ARRB1: variants seen among roughly 807,000 people sequenced by gnomAD.
ARRB1 encodes arrestin beta 1.
A neutral mutation model predicts 56.8 loss-of-function variants in ARRB1; 21 were observed. The observed-to-expected ratio is 0.37, with a 90% CI of 0.26 to 0.53. The LOEUF is 0.53. Ranked by LOEUF, ARRB1 falls within the 20% of genes least tolerant of loss-of-function variation. ARRB1 has a pLI of 0.88. For missense variants in ARRB1, 424 were observed against 553.7 expected (o/e 0.77, Z 2.35); for synonymous variants, 210 against 218.6 (o/e 0.96, Z 0.35).
At chr11:75,348,004 C>T (rs761166176) in intron 1 of ARRB1, among the ~76,000 whole-genome samples, 5 of 152,194 alleles carry the variant, frequency 3.3e-5, no homozygotes, top group Admixed American at 6.5e-5. Context: ...CCCTACTTGG[C>T]GCTGCCAAAG....
intron 1 of ARRB1, among the ~76,000 whole-genome samples, chr11:75,300,280 G>A (rs932382012): frequency 1.2e-4 from 18 of 151,650 alleles, no homozygotes; most frequent in Non-Finnish European, 2.1e-4. Flanking sequence ...ACCAGGTCCA[G>A]TTACTGCTGT....
At chr11:75,309,924 C>A (rs982401023) in intron 1 of ARRB1, among the ~76,000 whole-genome samples, 5 of 152,130 alleles carry the variant, frequency 3.3e-5, no homozygotes, top group South Asian at 4.2e-4. Context: ...TGGTAATATG[C>A]AACCCCCAAA....
At chr11:75,285,258 C>T (rs1946442782) in intron 3 of ARRB1, among the ~76,000 whole-genome samples, 1 of 152,212 alleles carries the variant, frequency 6.6e-6, no homozygotes, top group Non-Finnish European at 1.5e-5. Flanking sequence ...TAGACAGTGC[C>T]AAGCACTCGA....
intron 1 of ARRB1, among the ~76,000 whole-genome samples, chr11:75,322,047 T>A (rs111585628): frequency 6.6e-6 from 1 of 152,288 alleles, no homozygotes; most frequent in African/African-American, 2.4e-5. Flanking sequence ...ATATGGTGAC[T>A]CTCACAATAA....
chr11:75,287,264 T>C (rs1485044079), intron 3 of ARRB1, 51 bp downstream of exon 3: 11 of 1,529,964 alleles, frequency 7.2e-6, no homozygotes, highest in Non-Finnish European at 1.8e-6. Context: ...TCTGGGAGGC[T>C]TGGCCAGCCA....
intron 1 of ARRB1, among the ~76,000 whole-genome samples, chr11:75,292,747 A>G (rs1946640183): frequency 6.6e-6 from 1 of 152,230 alleles, no homozygotes; most frequent in Admixed American, 6.5e-5. Flanking sequence ...CACCCTGGTC[A>G]GGCTGGAAGA....
At chr11:75,305,210 A>ATT (rs112845043) in intron 1 of ARRB1, among the ~76,000 whole-genome samples, 38 of 131,726 alleles carry the variant, frequency 2.9e-4, no homozygotes, top group African/African-American at 5.8e-4. Flanking sequence ...TAATTTTTGT[A>ATT]TTTTTTTTTT....
intron 12 of ARRB1, chr11:75,272,667 G>A: frequency 1.8e-6 from 1 of 547,306 alleles, no homozygotes; most frequent in Admixed American, 3.1e-5. Flanking sequence ...GAGAGAGAAA[G>A]AGATGGGTGG....
intron 1 of ARRB1, among the ~76,000 whole-genome samples, chr11:75,349,558 A>C: frequency 6.6e-6 from 1 of 152,240 alleles, no homozygotes; most frequent in East Asian, 1.9e-4. Flanking sequence ...AGAGGTACAG[A>C]GAGACCCAAG....
chr11:75,307,932 C>T (rs1000297525), intron 1 of ARRB1, among the ~76,000 whole-genome samples: 25 of 152,240 alleles, frequency 1.6e-4, no homozygotes, highest in African/African-American at 5.5e-4. Context: ...CCACACCTGG[C>T]TCTGCCAGTA....
At chr11:75,303,159 AC>A (rs1946944985) in intron 1 of ARRB1, among the ~76,000 whole-genome samples, 1 of 151,834 alleles carries the variant, frequency 6.6e-6, no homozygotes, top group South Asian at 2.1e-4. Flanking sequence ...ACACCACCAC[AC>A]CCGGCTAATT....
intron 8 of ARRB1, 76 bp downstream of exon 8, chr11:75,278,533 C>A: frequency 1.3e-6 from 2 of 1,597,162 alleles, no homozygotes; most frequent in East Asian, 2.2e-5. Context: ...TCCTTGCAGG[C>A]CAGGAGAGAG....
At chr11:75,320,815 C>A (rs1268611158) in intron 1 of ARRB1, among the ~76,000 whole-genome samples, 1 of 152,212 alleles carries the variant, frequency 6.6e-6, no homozygotes, top group African/African-American at 2.4e-5. Flanking sequence ...GAAGTGCCAG[C>A]ACAGAGATGG....
intron 1 of ARRB1, among the ~76,000 whole-genome samples, chr11:75,296,951 T>C (rs911565174): frequency 1.3e-5 from 2 of 152,182 alleles, no homozygotes; most frequent in Non-Finnish European, 2.9e-5. Flanking sequence ...TGAGCCACTG[T>C]GCCCAGCCAA....
At chr11:75,334,429 C>G (rs1235440824) in intron 1 of ARRB1, among the ~76,000 whole-genome samples, 1 of 152,098 alleles carries the variant, frequency 6.6e-6, no homozygotes, top group East Asian at 1.9e-4. Flanking sequence ...ACCCCAGCAG[C>G]TTGTATCCCA....
intron 1 of ARRB1, among the ~76,000 whole-genome samples, chr11:75,337,970 A>T (rs495193): frequency 2.5e-4 from 38 of 151,724 alleles, no homozygotes; most frequent in Admixed American, 2.0e-4. Context: ...TATAAGGAAT[A>T]TTTCACCAGA....
At chr11:75,303,154 A>G (rs1946944719) in intron 1 of ARRB1, among the ~76,000 whole-genome samples, 1 of 152,048 alleles carries the variant, frequency 6.6e-6, no homozygotes, top group African/African-American at 2.4e-5. Context: ...GGTGCACACC[A>G]CCACACCCGG....
At chr11:75,333,771 T>A (rs1947556557) in intron 1 of ARRB1, among the ~76,000 whole-genome samples, 1 of 152,096 alleles carries the variant, frequency 6.6e-6, no homozygotes, top group Non-Finnish European at 1.5e-5. Context: ...TAGCCGGACA[T>A]CATGTTTGTT....
intron 1 of ARRB1, among the ~76,000 whole-genome samples, chr11:75,307,595 G>A (rs1445357931): frequency 6.6e-6 from 1 of 152,128 alleles, no homozygotes; most frequent in Non-Finnish European, 1.5e-5. Flanking sequence ...AGCTCCCAGA[G>A]GGCACGATCC....
Sources: gnomAD v4.1 joint callset for allele counts (sites outside exome capture counted in the v4.1 genomes callset) on GRCh38, gnomAD v4.1.1 for gene constraint, MANE v1.5 for transcripts, NCBI Gene and HGNC (gene_info 2026-07-23, HGNC 2026-07-21) for gene names.